SPATA17: variants seen among roughly 807,000 people sequenced by gnomAD.
SPATA17 encodes the protein spermatogenesis-associated protein 17.
A neutral mutation model predicts 62.2 loss-of-function variants in SPATA17; 53 were observed. That is an observed-to-expected ratio of 0.85 (90% CI 0.68 to 1.07). The LOEUF is 1.07. SPATA17 is among the 50% of genes least tolerant of loss of function. SPATA17 has a pLI of 0.00. For missense variants in SPATA17, 466 were observed against 425.5 expected (o/e 1.10, Z -0.84); for synonymous variants, 146 against 146.8 (o/e 0.99, Z 0.04).
rs143070935 is a variant in SPATA17, at chr1:217,752,687, C to T, written c.519+10589C>T. On this transcript the variant is annotated intron_variant, in intron 6 of 10. Transcript: ENST00000366933. ...ATGAAATTATGAGAATTGGATTCCCCATTTATGATTTACACATCTGAAAGT... is the reference window on the plus strand; with the variant it reads ...ATGAAATTATGAGAATTGGATTCCCTATTTATGATTTACACATCTGAAAGT... Among the ~76,000 whole-genome samples the T allele has an allele frequency of 4.5e-4, 68 of 152,214 alleles. 2 individuals carry two copies. The South Asian group carries it at 6.0e-3, about 13-fold the overall frequency.
chr1:217,722,904 A>G (rs1672172754), intron 5 of SPATA17, among the ~76,000 whole-genome samples: 2 of 151,476 alleles, frequency 1.3e-5, no homozygotes, highest in South Asian at 4.2e-4. Context: ...CTGGCACTCC[A>G]CTCTGGCCTC....
At position 217,801,765 on chromosome 1, in the gene SPATA17, C is replaced by T; in HGVS notation, c.920C>T (p.Ser307Leu). The change falls in exon 9 of 11, where the codon TCA becomes TTA. Residue 307 changes from serine to leucine, a missense_variant. By Grantham distance (145) the Ser-to-Leu change is moderately radical. Transcript: ENST00000366933. ...SYHKNEKYIP[S>L]MHLSSKYGPI... ...CATAAAAATGAAAAGTACATCCCAT[C>T]AATGCATTTATCAAGCAAGTATGGT... The T allele has an allele frequency of 6.2e-7, 1 of 1,610,274 alleles. No individual in the cohort carries two copies. The highest frequency in any genetic ancestry group is 8.5e-7 in the Non-Finnish European group (1 of 1,178,440).
chr1:217,802,741 G>A (rs1674343948), intron 9 of SPATA17, among the ~76,000 whole-genome samples: 1 of 152,074 alleles, frequency 6.6e-6, no homozygotes. Flanking sequence ...ATGAATTCTA[G>A]GGAAACACAA....
At chr1:217,847,912 G>A (rs1168862693) in intron 9 of SPATA17, among the ~76,000 whole-genome samples, 1 of 151,982 alleles carries the variant, frequency 6.6e-6, no homozygotes, top group African/African-American at 2.4e-5. Flanking sequence ...CACACCTATA[G>A]TCCTAGCTAT....
At chr1:217,789,265 T>A (rs1377656589) in intron 8 of SPATA17, among the ~76,000 whole-genome samples, 2 of 152,198 alleles carry the variant, frequency 1.3e-5, no homozygotes, top group African/African-American at 4.8e-5. Flanking sequence ...ATAGCAGAAC[T>A]AATAACTCTA....
rs563591679 is a variant in SPATA17 at position 217,821,478 on chromosome 1, T to A, written c.1005+19628T>A. 6.6e-5 allele frequency among the ~76,000 whole-genome samples: 10 copies of A among 152,070 alleles called. 1 individual carries two copies. The South Asian group carries it at 2.1e-3, about 32-fold the overall frequency. Reference sequence around the variant, plus strand: ...CTGTGAAGTCAAATAAAATGAACAGTGAAAAAGCCCCATAGATTTAGCAAA... The same window carrying A: ...CTGTGAAGTCAAATAAAATGAACAGAGAAAAAGCCCCATAGATTTAGCAAA... On this transcript the variant is annotated intron_variant, in intron 9 of 10. Transcript: ENST00000366933.
intron 5 of SPATA17, among the ~76,000 whole-genome samples, chr1:217,727,887 C>T (rs899034882): frequency 6.6e-6 from 1 of 152,136 alleles, no homozygotes; most frequent in Admixed American, 6.6e-5. Flanking sequence ...TTTCCATCTG[C>T]AAAAATATGT....
intron 3 of SPATA17, among the ~76,000 whole-genome samples, chr1:217,657,595 C>A (rs990221978): frequency 2.0e-5 from 3 of 152,134 alleles, no homozygotes; most frequent in African/African-American, 7.2e-5. Flanking sequence ...TTCTTAATTT[C>A]TGCTGCATAA....
chr1:217,690,477 T>A (rs1366896936), intron 5 of SPATA17, among the ~76,000 whole-genome samples: 3 of 81,790 alleles, frequency 3.7e-5, no homozygotes, highest in South Asian at 2.8e-4. Context: ...TTTTTTATTT[T>A]TTTTTTTTTT....
chr1:217,848,243 G>A lies in SPATA17; in HGVS notation c.1006-14531G>A, dbSNP rs574467249. Among the ~76,000 whole-genome samples the A allele has an allele frequency of 1.2e-3, 177 of 152,202 alleles. 1 individual carries two copies. Among genetic ancestry groups the A allele is most frequent in the African/African-American group, 4.1e-3 (170 of 41,548 alleles). ...CTGCTAACTCACTCTTTCCCTACAT[G>A]TCCAGTCCTCCTTTTCAGAGGCCAC... On this transcript the variant is annotated intron_variant, in intron 9 of 10. Coordinates refer to ENST00000366933, the MANE Select transcript of SPATA17 (RefSeq NM_138796.4).
At chr1:217,855,184 C>T (rs568056849) in intron 9 of SPATA17, among the ~76,000 whole-genome samples, 11 of 152,274 alleles carry the variant, frequency 7.2e-5, no homozygotes, top group East Asian at 5.8e-4. Flanking sequence ...TGTCTCTGAA[C>T]GTTTTTGCAG....
chr1:217,755,685 C>T (rs1016219671), intron 6 of SPATA17, among the ~76,000 whole-genome samples: 14 of 151,692 alleles, frequency 9.2e-5, no homozygotes, highest in Non-Finnish European at 1.5e-4. Context: ...GTTTTAACAT[C>T]CCACTAAATA....
At chr1:217,847,158 T>G (rs1284392608) in intron 9 of SPATA17, among the ~76,000 whole-genome samples, 3 of 151,994 alleles carry the variant, frequency 2.0e-5, no homozygotes, top group Non-Finnish European at 4.4e-5. Flanking sequence ...TCTTTAATTT[T>G]TTATTGTTCA....
intron 1 of SPATA17, among the ~76,000 whole-genome samples, chr1:217,643,015 C>T (rs1277503418): frequency 1.3e-5 from 2 of 152,072 alleles, no homozygotes; most frequent in Non-Finnish European, 2.9e-5. Flanking sequence ...CTCTCTGGAC[C>T]TCTCAGTGGA....
chr1:217,652,527 C>T (rs1189980385), intron 3 of SPATA17, among the ~76,000 whole-genome samples: 1 of 152,104 alleles, frequency 6.6e-6, no homozygotes, highest in Non-Finnish European at 1.5e-5. Flanking sequence ...AGCCACCACG[C>T]CCGGCCAAAC....
intron 6 of SPATA17, among the ~76,000 whole-genome samples, chr1:217,743,852 C>T (rs1445088652): frequency 1.3e-5 from 2 of 151,902 alleles, no homozygotes; most frequent in East Asian, 2.0e-4. Context: ...CAAGTGATCC[C>T]CCCGCCTGGG....
intron 9 of SPATA17, among the ~76,000 whole-genome samples, chr1:217,826,715 G>T (rs1675009647): frequency 6.6e-6 from 1 of 151,968 alleles, no homozygotes; most frequent in Admixed American, 6.6e-5. Context: ...CAATTTCAAA[G>T]CAGTCATTAA....
intron 9 of SPATA17, among the ~76,000 whole-genome samples, chr1:217,845,689 T>A (rs1461068362): frequency 1.3e-5 from 2 of 152,086 alleles, no homozygotes; most frequent in Non-Finnish European, 2.9e-5. Context: ...TTAACGCTCG[T>A]GGTGGGGTCA....
chr1:217,658,500 T>C (rs1485286588), intron 3 of SPATA17, among the ~76,000 whole-genome samples: 1 of 152,158 alleles, frequency 6.6e-6, no homozygotes, highest in Non-Finnish European at 1.5e-5. Context: ...GGCTCACACC[T>C]GTAATCCCAG....
Sources: allele counts gnomAD v4.1 joint callset (sites outside exome capture counted in the v4.1 genomes callset), GRCh38; gene constraint gnomAD v4.1.1; transcripts MANE v1.5; gene names NCBI Gene and HGNC (gene_info 2026-07-23, HGNC 2026-07-21).